The following STS variants were observed in gnomAD, a reference collection of about 807,000 sequenced individuals.
STS encodes steryl-sulfatase.
In STS, 7 loss-of-function variants were observed where a neutral mutation model predicts 26.8. The observed-to-expected ratio is 0.26, with a 90% CI of 0.15 to 0.49. The LOEUF (loss-of-function observed/expected upper bound fraction) is 0.49, where lower values mean the gene tolerates loss of function less well. Among genes scored for constraint, STS ranks in the 20% least tolerant of loss-of-function variants. The probability of loss-of-function intolerance (pLI) is 0.98; values close to 1 mark genes in which losing one functional copy is unlikely to be tolerated. For missense variants in STS, 434 were observed against 465.6 expected (o/e 0.93, Z 0.63); for synonymous variants, 199 against 189.4 (o/e 1.05, Z -0.42).
At chrX:7,325,295 T>C (rs1195812488) in intron 8 of STS, 44 bp from the exon 9 acceptor site, 3 of 1,197,276 alleles carry the variant, frequency 2.5e-6, no homozygotes, top group Admixed American at 4.4e-5. Context: ...ATTGAAAGGA[T>C]TGAAATCTCC....
At chrX:7,302,919 C>A (rs984109154) in intron 7 of STS, among the ~76,000 whole-genome samples, 6 of 111,429 alleles carry the variant, frequency 5.4e-5, no homozygotes, top group Admixed American at 1.9e-4. Context: ...GACTAAGAGC[C>A]CACCCAAAAT....
At position 7,253,348 on chromosome X, in the gene STS, A is replaced by G; in HGVS notation, c.137+12A>G. On this transcript the variant is annotated intron_variant, in intron 3 of 10. Coordinates refer to ENST00000674429, the MANE Select transcript of STS (RefSeq NM_001320752.2). ...AACAAAACTATCAGGTTGGTAATGC[A>G]GCTCCTCAGTAAACACATGGCTGTA... 1.7e-6 allele frequency: 2 copies of G among 1,211,350 alleles called. No individual in the cohort carries two copies. The highest frequency in any genetic ancestry group is 3.5e-5 in the African/African-American group (2 of 57,728).
intron 6 of STS, among the ~76,000 whole-genome samples, chrX:7,272,188 A>C (rs1924305095): frequency 1.0e-5 from 1 of 99,432 alleles, no homozygotes; most frequent in African/African-American, 3.7e-5. Flanking sequence ...GGAAGCCAGG[A>C]ATACATAGAA....
At chrX:7,303,412 A>G (rs1926067939) in intron 7 of STS, among the ~76,000 whole-genome samples, 1 of 111,252 alleles carries the variant, frequency 9.0e-6, no homozygotes, top group South Asian at 3.9e-4. Flanking sequence ...AAAGAAACGG[A>G]TTCTGCTGTT....
chrX:7,232,341 T>A (rs191228154), intron 2 of STS, among the ~76,000 whole-genome samples: 9 of 112,150 alleles, frequency 8.0e-5, no homozygotes, highest in Admixed American at 7.5e-4. Flanking sequence ...TACAGTGCAT[T>A]AGCGTTAGCA....
At chrX:7,224,216 A>G (rs1921704169) in intron 2 of STS, among the ~76,000 whole-genome samples, 1 of 111,660 alleles carries the variant, frequency 9.0e-6, no homozygotes, top group African/African-American at 3.3e-5. Flanking sequence ...ATTATTTTAT[A>G]CTAGCCAAGT....
intron 8 of STS, among the ~76,000 whole-genome samples, chrX:7,307,352 C>T (rs771634825): frequency 9.0e-6 from 1 of 110,938 alleles, no homozygotes; most frequent in African/African-American, 3.3e-5. Context: ...TTGGTATTAC[C>T]GGGCTGAACT....
chrX:7,206,981 G>C (rs1920954625), intron 2 of STS, among the ~76,000 whole-genome samples: 1 of 112,112 alleles, frequency 8.9e-6, no homozygotes, highest in Non-Finnish European at 1.9e-5. Flanking sequence ...AGGCCAAGGA[G>C]GGTGGATTGC....
chrX:7,305,943 C>T (rs745530388), intron 8 of STS, among the ~76,000 whole-genome samples: 6 of 111,701 alleles, frequency 5.4e-5, no homozygotes, highest in African/African-American at 3.3e-5. Flanking sequence ...GGGATTAGGA[C>T]GAGGGCATCT....
intron 2 of STS, among the ~76,000 whole-genome samples, chrX:7,205,277 T>A (rs114983029): frequency 5.3e-5 from 6 of 112,414 alleles, no homozygotes; most frequent in Non-Finnish European, 3.8e-5. Context: ...AGAGAAAGAA[T>A]GGGAATGTAA....
chrX:7,195,131 G>A (rs58501690), intron 2 of STS, among the ~76,000 whole-genome samples: 305 of 112,193 alleles, frequency 2.7e-3, no homozygotes, highest in African/African-American at 9.3e-3. Flanking sequence ...TATAAAATAA[G>A]TGTGGAGGCC....
chrX:7,305,831 C>A (rs770660390), intron 8 of STS, among the ~76,000 whole-genome samples: 4 of 111,734 alleles, frequency 3.6e-5, no homozygotes, highest in African/African-American at 1.3e-4. Flanking sequence ...AGATTACGTT[C>A]GGCCCACTTG....
intron 2 of STS, among the ~76,000 whole-genome samples, chrX:7,227,451 T>TG (rs1401546562): frequency 3.8e-4 from 42 of 109,737 alleles, no homozygotes; most frequent in Non-Finnish European, 7.2e-4. Flanking sequence ...AATCGTTGTT[T>TG]TTTTTTTTTT....
Position 7,212,432 on chromosome X carries a change from A to G in STS, c.-5+21424A>G, listed in dbSNP as rs1338750958. Among the ~76,000 whole-genome samples the G allele has an allele frequency of 3.6e-5, 4 of 111,653 alleles. No individual in the cohort carries two copies. The Admixed American group carries it at 3.8e-4, about 11-fold the overall frequency. ...GGTTGCAGTTAGCTGAGATTTTGCC[A>G]CTGCACTCCAGCCTGGGAGACACAG... On this transcript the variant is annotated intron_variant, in intron 2 of 10. Transcript: ENST00000674429.
At chrX:7,232,653 G>A (rs964461576) in intron 2 of STS, among the ~76,000 whole-genome samples, 2 of 112,240 alleles carry the variant, frequency 1.8e-5, no homozygotes, top group African/African-American at 6.5e-5. Flanking sequence ...CAGGTCTGGA[G>A]ACCCTGCGAT....
intron 2 of STS, among the ~76,000 whole-genome samples, chrX:7,249,911 T>A (rs1394986498): frequency 1.8e-5 from 2 of 110,549 alleles, no homozygotes; most frequent in Non-Finnish European, 3.8e-5. Context: ...TTGTAGAAAG[T>A]CTGTATTCTT....
intron 6 of STS, among the ~76,000 whole-genome samples, chrX:7,275,321 A>G (rs1041903077): frequency 1.2e-3 from 138 of 111,832 alleles, no homozygotes; most frequent in African/African-American, 4.2e-3. Context: ...AGAAATGACA[A>G]CTATATGAGA....
At chrX:7,160,356 TG>T (rs1449082398) in intron 1 of STS, among the ~76,000 whole-genome samples, 1 of 112,411 alleles carries the variant, frequency 8.9e-6, no homozygotes, top group African/African-American at 3.2e-5. Context: ...AGAAAATATC[TG>T]TAAAACCACC....
At chrX:7,260,222 A>G (rs1923674918) in intron 6 of STS, among the ~76,000 whole-genome samples, 1 of 112,128 alleles carries the variant, frequency 8.9e-6, no homozygotes, top group African/African-American at 3.2e-5. Flanking sequence ...TTCCATGCCT[A>G]ACACATTTCT....
Sources: allele counts gnomAD v4.1 joint callset (sites outside exome capture counted in the v4.1 genomes callset), GRCh38; gene constraint gnomAD v4.1.1; transcripts MANE v1.5; gene names NCBI Gene and HGNC (gene_info 2026-07-23, HGNC 2026-07-21).